Variants in ZBTB44 observed in about 807,000 individuals in gnomAD.
ZBTB44 encodes the protein zinc finger and BTB domain-containing protein 44.
In ZBTB44, 15 loss-of-function variants were observed where a neutral mutation model predicts 54.0. The ratio of observed to expected loss-of-function variants is 0.28; its 90% CI spans 0.19 to 0.43. The LOEUF is 0.43. Ranked by LOEUF, ZBTB44 falls within the 20% of genes least tolerant of loss-of-function variation. The probability of loss-of-function intolerance (pLI) is 1.00; values close to 1 mark genes in which losing one functional copy is unlikely to be tolerated. For missense variants in ZBTB44, 487 were observed against 707.1 expected, an observed-to-expected ratio of 0.69 and a Z score of 3.53; for synonymous variants, 230 against 250.1, an observed-to-expected ratio of 0.92 and a Z score of 0.76.
intron 1 of ZBTB44, among the ~76,000 whole-genome samples, chr11:130,283,149 A>G (rs1940663398): frequency 6.6e-6 from 1 of 150,584 alleles, no homozygotes; most frequent in Non-Finnish European, 1.5e-5. Flanking sequence ...GGTTCAAGCA[A>G]TTATCCTGCC....
At chr11:130,248,465 A>C (rs1283804334) in intron 2 of ZBTB44, among the ~76,000 whole-genome samples, 1 of 152,060 alleles carries the variant, frequency 6.6e-6, no homozygotes, top group African/African-American at 2.4e-5. Flanking sequence ...ACATGGTGAA[A>C]TCCTGTCTCT....
intron 1 of ZBTB44, among the ~76,000 whole-genome samples, chr11:130,289,697 G>A (rs928479689): frequency 6.6e-6 from 1 of 152,104 alleles, no homozygotes; most frequent in Non-Finnish European, 1.5e-5. Flanking sequence ...GTTACCATAG[G>A]AGAGCCAGCC....
In ZBTB44 at chr11:130,291,278, A is replaced by C. The variant is rs561923657; in HGVS notation, c.-57+23097T>G. Among the ~76,000 whole-genome samples, 13 of 152,150 alleles carry C rather than the reference A, an allele frequency of 8.5e-5. No homozygotes were observed. In the South Asian group the frequency reaches 2.7e-3, roughly 32 times the overall value. On this transcript the variant is annotated intron_variant, in intron 1 of 7. Transcript: ENST00000357899. ...CTCAGCTTCCTGAGTAGCTGGGATT[A>C]TAGGCGCGTGCCACCATACCCAGCT... is the stretch of plus-strand genomic sequence containing the variant.
chr11:130,314,148 G>C lies in ZBTB44; in HGVS notation c.-57+227C>G, dbSNP rs879845077. Reference sequence around the variant, plus strand: ...GCAAAGGACGGGCAGCTCCCTGGAAGGTCGGGGTAACTGCTCCGGGACCGC... The same window carrying C: ...GCAAAGGACGGGCAGCTCCCTGGAACGTCGGGGTAACTGCTCCGGGACCGC... On this transcript the variant is annotated intron_variant, in intron 1 of 7. Coordinates refer to ENST00000357899, the MANE Select transcript of ZBTB44 (RefSeq NM_001301098.2). Among the ~76,000 whole-genome samples, 180 of 152,208 alleles carry C rather than the reference G, an allele frequency of 1.2e-3. 3 individuals carry two copies. Among genetic ancestry groups the C allele is most frequent in the Admixed American group, 2.6e-4 (4 of 15,292 alleles).
At chr11:130,299,512 C>A (rs1468205090) in intron 1 of ZBTB44, among the ~76,000 whole-genome samples, 3 of 149,598 alleles carry the variant, frequency 2.0e-5, no homozygotes, top group Admixed American at 1.3e-4. Context: ...GAGACCGTGC[C>A]ATTGCACTCC....
chr11:130,275,020 A>C (rs935010947), intron 1 of ZBTB44, among the ~76,000 whole-genome samples: 1 of 152,234 alleles, frequency 6.6e-6, no homozygotes, highest in Admixed American at 6.5e-5. Flanking sequence ...TTAAATTACT[A>C]ATCTCATTAC....
chr11:130,312,053 C>T (rs1266044959), intron 1 of ZBTB44, among the ~76,000 whole-genome samples: 2 of 152,180 alleles, frequency 1.3e-5, no homozygotes, highest in Non-Finnish European at 2.9e-5. Context: ...GCTATTTCTC[C>T]AGCTCTTTAC....
chr11:130,236,142 AT>A lies in ZBTB44; in HGVS notation c.1568+650del, dbSNP rs113369392. The A allele has an allele frequency of 2.6e-3, 3,367 of 1,287,304 alleles. 78 individuals carry two copies. The African/African-American group carries it at 0.046, about 18-fold the overall frequency. 79.7% of individuals were successfully genotyped at this position (1,287,304 alleles called of 1,614,324 possible). A position where few individuals can be genotyped will look rare whatever the true frequency, so the allele number is the denominator to read the frequency against. On this transcript the variant is annotated intron_variant, in intron 5 of 7. Coordinates refer to ENST00000357899, the MANE Select transcript of ZBTB44 (RefSeq NM_001301098.2). The stretch of plus-strand genomic sequence containing the variant: ...CTTTCTCTAAGTTTCAAGCTTTTTC[AT>A]GTGTAAAGTGACAGGTTTAATCAAC...
chr11:130,268,707 T>C (rs1939441050), intron 1 of ZBTB44, among the ~76,000 whole-genome samples: 1 of 151,866 alleles, frequency 6.6e-6, no homozygotes, highest in South Asian at 2.1e-4. Context: ...GCCTCCTGAG[T>C]AGTTGCGAAT....
At position 130,234,159 on chromosome 11, in the gene ZBTB44, T is replaced by C. The variant is rs1462766063; in HGVS notation, c.1683A>G (p.Ser561=). The stretch of plus-strand genomic sequence containing the variant: ...CACAATTCTGGGTTGAGGAGACCTG[T>C]GAAATGACAGGCATTTGAACAGAGG... The part of the protein sequence containing the change: ...SNSSVQMPVI[S]QYHSKGKEP Residue 561 remains serine (S), a synonymous_variant, in exon 6 of 8, where the codon TCA becomes TCG. Coordinates refer to ENST00000357899, the MANE Select transcript of ZBTB44 (RefSeq NM_001301098.2). The C allele has an allele frequency of 1.3e-6, 2 of 1,544,546 alleles. No individual in the cohort carries two copies. Among genetic ancestry groups the C allele is most frequent in the Non-Finnish European group, 8.7e-7 (1 of 1,144,040 alleles).
intron 2 of ZBTB44, among the ~76,000 whole-genome samples, chr11:130,243,760 T>C (rs1209205893): frequency 6.6e-6 from 1 of 152,246 alleles, no homozygotes; most frequent in African/African-American, 2.4e-5. Context: ...TAAATTCTTT[T>C]CTAAAATGAT....
intron 1 of ZBTB44, among the ~76,000 whole-genome samples, chr11:130,262,959 G>A (rs1249114385): frequency 2.0e-5 from 3 of 152,202 alleles, no homozygotes; most frequent in African/African-American, 4.8e-5. Flanking sequence ...TATTCGGGAC[G>A]CTGATGTGGA....
intron 1 of ZBTB44, among the ~76,000 whole-genome samples, chr11:130,271,971 C>T (rs952413084): frequency 5.3e-5 from 8 of 152,106 alleles, no homozygotes; most frequent in Non-Finnish European, 7.4e-5. Context: ...TGGTTCACAT[C>T]TGTAATCCTA....
chr11:130,240,359 G>A (rs1261655104), intron 2 of ZBTB44, among the ~76,000 whole-genome samples: 1 of 151,778 alleles, frequency 6.6e-6, no homozygotes, highest in Non-Finnish European at 1.5e-5. Context: ...ATTTTTAAAT[G>A]TTTGTGATTT....
intron 1 of ZBTB44, among the ~76,000 whole-genome samples, chr11:130,302,845 C>G (rs545088154): frequency 6.6e-5 from 10 of 151,970 alleles, no homozygotes; most frequent in Non-Finnish European, 1.3e-4. Context: ...TGTGGTGGTG[C>G]GCACCTGTAA....
At chr11:130,309,495 A>C (rs908879448) in intron 1 of ZBTB44, among the ~76,000 whole-genome samples, 1 of 152,216 alleles carries the variant, frequency 6.6e-6, no homozygotes, top group African/African-American at 2.4e-5. Flanking sequence ...AATTTGGTCC[A>C]ACCCAAACAA....
chr11:130,236,296 T>C, intron 5 of ZBTB44: 1 of 1,244,480 alleles, frequency 8.0e-7, no homozygotes, highest in Non-Finnish European at 1.0e-6. Context: ...TAGCAATGAC[T>C]TCATGATCTA....
chr11:130,239,576 C>T (rs75504093), intron 3 of ZBTB44: 8,255 of 302,446 alleles, frequency 0.027, 345 homozygotes, highest in African/African-American at 0.11. Context: ...TTTGCCAACA[C>T]TTGGTACAGA....
intron 1 of ZBTB44, among the ~76,000 whole-genome samples, chr11:130,287,899 T>C (rs1333208844): frequency 1.3e-5 from 2 of 150,454 alleles, no homozygotes; most frequent in East Asian, 3.9e-4. Flanking sequence ...TTTAAAAAAT[T>C]ATTCACCTAA....
Sources: allele counts gnomAD v4.1 joint callset (sites outside exome capture counted in the v4.1 genomes callset), GRCh38; gene constraint gnomAD v4.1.1; transcripts MANE v1.5; gene names NCBI Gene and HGNC (gene_info 2026-07-23, HGNC 2026-07-21).